The following ELF1 variants were observed in gnomAD, a reference collection of about 807,000 sequenced individuals.
The protein encoded by ELF1 is E74 like ETS transcription factor 1.
ELF1 carries 24 observed loss-of-function variants against 59.9 expected under a neutral mutation model. The observed-to-expected ratio is 0.40, with a 90% CI of 0.29 to 0.56. The LOEUF (loss-of-function observed/expected upper bound fraction) is 0.56. Among genes scored for constraint, ELF1 ranks in the 20% least tolerant of loss-of-function variants. The pLI is 0.44. For synonymous variants in ELF1, 248 were observed against 266.2 expected, an observed-to-expected ratio of 0.93 and a Z score of 0.67; for missense variants, 627 against 742.2, an observed-to-expected ratio of 0.84 and a Z score of 1.80.
chr13:41,026,757 T>C (rs1036588748), intron 1 of ELF1, among the ~76,000 whole-genome samples: 3 of 152,152 alleles, frequency 2.0e-5, no homozygotes, highest in Admixed American at 6.5e-5. Flanking sequence ...TGGGCGTGCA[T>C]AGCACCATTA....
At chr13:40,997,506 T>C (rs1874190211) in intron 1 of ELF1, among the ~76,000 whole-genome samples, 1 of 152,060 alleles carries the variant, frequency 6.6e-6, no homozygotes, top group Admixed American at 6.6e-5. Context: ...TCCACCCACC[T>C]TGGCCTCCCA....
chr13:40,953,873 CACAA>C (rs961009580), intron 3 of ELF1, among the ~76,000 whole-genome samples: 8 of 152,156 alleles, frequency 5.3e-5, no homozygotes, highest in African/African-American at 1.4e-4. Context: ...GAAGAAAAAA[CACAA>C]ACAGAGAATC....
intron 1 of ELF1, among the ~76,000 whole-genome samples, chr13:41,029,151 T>C (rs1876065987): frequency 6.6e-6 from 1 of 152,232 alleles, no homozygotes. Flanking sequence ...TTCAATTGTA[T>C]GCAGGGTAGT....
chr13:40,937,671 A>G (rs1286696356), intron 8 of ELF1, among the ~76,000 whole-genome samples: 1 of 151,988 alleles, frequency 6.6e-6, no homozygotes, highest in Non-Finnish European at 1.5e-5. Flanking sequence ...GGTTTTCACC[A>G]TGTTGGGAAG....
At chr13:41,034,271 G>A (rs1186280845) in intron 1 of ELF1, among the ~76,000 whole-genome samples, 16 of 152,120 alleles carry the variant, frequency 1.1e-4, no homozygotes, top group Non-Finnish European at 2.4e-4. Context: ...TCCTGGAACA[G>A]AAAAAGGACA....
At chr13:40,947,601 A>G (rs1351469165) in intron 5 of ELF1, among the ~76,000 whole-genome samples, 1 of 152,220 alleles carries the variant, frequency 6.6e-6, no homozygotes, top group Non-Finnish European at 1.5e-5. Flanking sequence ...AGGAATTGCC[A>G]GCCAAGTAAT....
intron 1 of ELF1, among the ~76,000 whole-genome samples, chr13:41,026,138 A>AGCATAGC (rs1415711487): frequency 1.3e-5 from 2 of 152,200 alleles, no homozygotes; most frequent in Non-Finnish European, 2.9e-5. Context: ...CTCTAGGCTT[A>AGCATAGC]ATGATAACAC....
chr13:40,955,396 C>G (rs1244131615), intron 3 of ELF1, among the ~76,000 whole-genome samples: 1 of 141,812 alleles, frequency 7.1e-6, no homozygotes, highest in Non-Finnish European at 1.6e-5. Context: ...CCCTGCCCGG[C>G]CAGCTGCCCA....
At chr13:40,950,308 C>T (rs1382901796) in intron 4 of ELF1, among the ~76,000 whole-genome samples, 1 of 152,142 alleles carries the variant, frequency 6.6e-6, no homozygotes, top group Non-Finnish European at 1.5e-5. Context: ...ACTGACATAC[C>T]TTTCCATAGT....
At chr13:40,967,001 T>A (rs1872216369) in intron 2 of ELF1, among the ~76,000 whole-genome samples, 1 of 151,994 alleles carries the variant, frequency 6.6e-6, no homozygotes, top group Admixed American at 6.6e-5. Flanking sequence ...CTTCAACAGC[T>A]CCCCTGACTC....
At chr13:40,975,037 G>A (rs994344345) in intron 2 of ELF1, among the ~76,000 whole-genome samples, 2 of 152,152 alleles carry the variant, frequency 1.3e-5, no homozygotes, top group East Asian at 1.9e-4. Flanking sequence ...AGCTTTTAAT[G>A]GATTTCTTAA....
chr13:41,033,821 G>A (rs2138410863), intron 1 of ELF1, among the ~76,000 whole-genome samples: 1 of 152,294 alleles, frequency 6.6e-6, no homozygotes, highest in Admixed American at 6.5e-5. Context: ...AATACTATAT[G>A]ATTCCATTTA....
Position 40,941,121 on chromosome 13 carries a change from A to T in ELF1, c.1056T>A (p.Ala352=). 1 of 1,614,164 alleles carries T rather than the reference A, an allele frequency of 6.2e-7. No homozygotes were observed. Among genetic ancestry groups the T allele is most frequent in the Non-Finnish European group, 8.5e-7 (1 of 1,180,026 alleles). Residue 352 remains alanine (A), a synonymous_variant, in exon 8 of 9, where the codon GCT becomes GCA. Coordinates refer to ENST00000239882, the MANE Select transcript of ELF1 (RefSeq NM_172373.4). ...TTVLKPGNSK[A]AKPKDPVEVA... is the part of the protein sequence containing the mutation. ...CTTCCACAGGATCTTTGGGTTTTGCAGCTTTAGAATTCCCTGGTTTTAGAA... is the reference window on the plus strand; with the variant it reads ...CTTCCACAGGATCTTTGGGTTTTGCTGCTTTAGAATTCCCTGGTTTTAGAA...
intron 8 of ELF1, among the ~76,000 whole-genome samples, chr13:40,939,150 C>A (rs560011534): frequency 6.6e-6 from 1 of 152,134 alleles, no homozygotes; most frequent in South Asian, 2.1e-4. Flanking sequence ...CAAAGTAAAA[C>A]CCCATTTCTA....
intron 1 of ELF1, among the ~76,000 whole-genome samples, chr13:41,027,937 C>T (rs2138402422): frequency 6.6e-6 from 1 of 152,304 alleles, no homozygotes; most frequent in Admixed American, 6.5e-5. Flanking sequence ...CTCCAGAAGG[C>T]TGTACACATT....
upstream of ELF1, chr13:41,019,515 T>C (rs994858942): frequency 2.1e-5 from 9 of 435,818 alleles, no homozygotes; most frequent in East Asian, 3.2e-4. Flanking sequence ...ACTAAGCTCA[T>C]ATTAATTGCC....
At chr13:41,060,662 A>G (rs1350290926) in intron 1 of ELF1, among the ~76,000 whole-genome samples, 1 of 152,188 alleles carries the variant, frequency 6.6e-6, no homozygotes, top group Non-Finnish European at 1.5e-5. Context: ...GGGACAAGAA[A>G]GGAGCCAGAA....
intron 1 of ELF1, among the ~76,000 whole-genome samples, chr13:41,030,755 A>C (rs1029973975): frequency 6.6e-6 from 1 of 151,940 alleles, no homozygotes; most frequent in East Asian, 1.9e-4. Context: ...TCTCACACAC[A>C]TAAAAAGAAA....
At chr13:41,017,029 C>CAAATTT (rs2138383147) in intron 1 of ELF1, among the ~76,000 whole-genome samples, 3 of 128,500 alleles carry the variant, frequency 2.3e-5, no homozygotes, top group East Asian at 4.8e-4. Flanking sequence ...TCTAGAAGCT[C>CAAATTT]AAATTTAATT....
Sources: allele counts gnomAD v4.1 joint callset (sites outside exome capture counted in the v4.1 genomes callset), GRCh38; gene constraint gnomAD v4.1.1; transcripts MANE v1.5; gene names NCBI Gene and HGNC (gene_info 2026-07-23, HGNC 2026-07-21).